Variants in PIP5KL1 observed in about 807,000 individuals in gnomAD.
PIP5KL1 encodes phosphatidylinositol-4-phosphate 5-kinase like 1, also known as phosphatidylinositol 4-phosphate 5-kinase-like protein 1.
Under a neutral mutation model 47.6 loss-of-function variants are expected in PIP5KL1, and 45 were observed. That is an observed-to-expected ratio of 0.94 (90% CI 0.74 to 1.21). The LOEUF (loss-of-function observed/expected upper bound fraction) is 1.21. PIP5KL1 is among the 50% of genes most tolerant of loss of function. The pLI, the probability that PIP5KL1 is intolerant of heterozygous loss-of-function variation, is 0.00. For synonymous variants in PIP5KL1, 256 were observed against 234.6 expected (o/e 1.09, Z -0.84); for missense variants, 577 against 547.6 (o/e 1.05, Z -0.54).
At chr9:127,922,178 C>T (rs2131633584) in intron 9 of PIP5KL1, 64 bp from the exon 10 acceptor site, 2 of 1,437,656 alleles carry the variant, frequency 1.4e-6, no homozygotes, top group East Asian at 5.0e-5. Flanking sequence ...GTCGGCTCTG[C>T]AAGCCTGGCC....
Position 127,929,722 on chromosome 9 carries a change from G to A in PIP5KL1, c.194C>T (p.Ala65Val). 1 of 1,584,416 alleles carries A rather than the reference G, an allele frequency of 6.3e-7. No homozygotes were observed. Among genetic ancestry groups the A allele is most frequent in the Non-Finnish European group, 8.6e-7 (1 of 1,164,046 alleles). ...GTGGTCCATGGAGACCTGGGTGGCA[G>A]CCCACAGCCCTGCCTGCATCATGCA... ...MTCMMQAGLW[A>V]ATQVSMDHPP... Residue 65 changes from alanine to valine, a missense_variant, in exon 2 of 10, where the codon GCT (alanine) becomes GTT (valine). Physicochemically the swap from Ala to Val is moderately conservative, Grantham distance 64. Coordinates refer to ENST00000388747, the MANE Select transcript of PIP5KL1 (RefSeq NM_001135219.2). The surrounding 1 kb of genome is among the most constrained non-coding windows in gnomAD (Gnocchi z 4.0).
chr9:127,925,399 T>C, intron 8 of PIP5KL1, 139 bp from the exon 9 acceptor site: 1 of 1,004,084 alleles, frequency 1.0e-6, no homozygotes, highest in South Asian at 1.7e-5. Context: ...TTTGCCTTGG[T>C]CACTTAGCTA....
At position 127,929,157 on chromosome 9, in the gene PIP5KL1, C is replaced by T. The variant is rs1352820131; in HGVS notation, c.228+531G>A. Among the ~76,000 whole-genome samples, 3 of 152,208 alleles carry T rather than the reference C, an allele frequency of 2.0e-5. No individual in the cohort carries two copies. Among genetic ancestry groups the T allele is most frequent in the African/African-American group, 7.2e-5 (3 of 41,450 alleles). ...AGTCTCTACACTTTCCCTGGATCTC[C>T]AGGTCCCTGTGCCCGGATGTGGTCT... On this transcript the variant is annotated intron_variant, in intron 2 of 9. Transcript: ENST00000388747. This position sits in a 1 kb window ranked among gnomAD's most constrained non-coding sequence, Gnocchi z 4.0.
chr9:127,928,522 T>TC (rs771189171), intron 2 of PIP5KL1, 39 bp from the exon 3 acceptor site: 33 of 1,524,948 alleles, frequency 2.2e-5, no homozygotes, highest in Middle Eastern at 1.7e-4. Context: ...CAACCCTCAG[T>TC]CCCCTGCTGC....
rs745782745 is a variant in PIP5KL1 at position 127,929,549 on chromosome 9, C to T, written c.228+139G>A. 2.5e-4 allele frequency: 235 copies of T among 954,320 alleles called. No homozygotes were observed. The highest frequency in any genetic ancestry group is 2.3e-3 in the Admixed American group (79 of 33,826). The allele number at this position is 954,320 out of a possible 1,614,324, so 59.1% of individuals were successfully genotyped here. On this transcript the variant is annotated intron_variant, in intron 2 of 9. Coordinates refer to ENST00000388747, the MANE Select transcript of PIP5KL1 (RefSeq NM_001135219.2). This position sits in a 1 kb window ranked among gnomAD's most constrained non-coding sequence, Gnocchi z 4.0. Reference sequence around the variant, plus strand: ...ACCCCAGACGTTCCAGCTCCCACACCACAATGTTCCTCCCTCTCTGCCTTC... The same window carrying T: ...ACCCCAGACGTTCCAGCTCCCACACTACAATGTTCCTCCCTCTCTGCCTTC...
In PIP5KL1 at chr9:127,927,900, C is replaced by A. The variant is rs1831387055; in HGVS notation, c.435-128G>T. On this transcript the variant is annotated intron_variant, in intron 4 of 9. Transcript: ENST00000388747. The surrounding 1 kb of genome is among the most constrained non-coding windows in gnomAD (Gnocchi z 5.5). ...GGCACCGCCTCTCTCGCCTTCGGCCCTCGCCCTCCTCTCCTCCCCGATCTG... is the reference window on the plus strand; with the variant it reads ...GGCACCGCCTCTCTCGCCTTCGGCCATCGCCCTCCTCTCCTCCCCGATCTG... 2.0e-6 allele frequency: 3 copies of A among 1,477,408 alleles called. No homozygotes were observed. The South Asian group carries it at 3.9e-5, about 19-fold the overall frequency. 91.5% of individuals were successfully genotyped at this position (1,477,408 alleles called of 1,614,324 possible).
rs2065256515 is a variant in PIP5KL1, at chr9:127,927,222, C to G, written c.595-14G>C. 6.2e-7 allele frequency: 1 copy of G among 1,613,070 alleles called. No homozygotes were observed. Among genetic ancestry groups the G allele is most frequent in the Non-Finnish European group, 8.5e-7 (1 of 1,179,802 alleles). On this transcript the variant is annotated splice_polypyrimidine_tract_variant and intron_variant, in intron 6 of 9. Coordinates refer to ENST00000388747, the MANE Select transcript of PIP5KL1 (RefSeq NM_001135219.2). This position sits in a 1 kb window ranked among gnomAD's most constrained non-coding sequence, Gnocchi z 5.5. ...GATGAAGTACGTCTGGGGGCCGGGA[C>G]AGGGAGTGAGGGAGGCCGGCTGTCG...
At chr9:127,922,694 C>CA (rs386416269) in intron 9 of PIP5KL1, among the ~76,000 whole-genome samples, 9,092 of 89,448 alleles carry the variant, frequency 0.1, 755 homozygotes, top group Middle Eastern at 0.14. Context: ...GACTCTGTCT[C>CA]AAAAAAAAAA....
intron 9 of PIP5KL1, among the ~76,000 whole-genome samples, chr9:127,924,800 C>T (rs1436646898): frequency 1.3e-5 from 2 of 152,150 alleles, no homozygotes; most frequent in African/African-American, 2.4e-5. Flanking sequence ...TGGACTTCAT[C>T]TGTTCTGTCC....
Position 127,925,885 on chromosome 9 carries a change from C to A in PIP5KL1, c.745G>T (p.Gly249Cys), listed in dbSNP as rs768419193. ...VLVLKDLNFQ[G>C]KTINLGPQRS... ...GGCTCACCCAGGTTGATGGTCTTGC[C>A]CTGAAAGTTGAGGTCCTTCAGCACC... Residue 249 changes from glycine (G) to cysteine (C), a missense_variant, in exon 8 of 10, where the codon GGC becomes TGC. Gly to Cys is a radical substitution (Grantham distance 159, BLOSUM62 -3). Coordinates refer to ENST00000388747, the MANE Select transcript of PIP5KL1 (RefSeq NM_001135219.2). 1 of 1,613,950 alleles carries A rather than the reference C, an allele frequency of 6.2e-7. No homozygotes were observed. Among genetic ancestry groups the A allele is most frequent in the Non-Finnish European group, 8.5e-7 (1 of 1,180,010 alleles).
rs1318991625 is a variant in PIP5KL1 at position 127,927,363 on chromosome 9, C to T, written c.560-32G>A. 2 of 1,593,754 alleles carry T rather than the reference C, an allele frequency of 1.3e-6. No homozygotes were observed. Among genetic ancestry groups the T allele is most frequent in the African/African-American group, 1.3e-5 (1 of 74,612 alleles). On this transcript the variant is annotated intron_variant, in intron 5 of 9. Transcript: ENST00000388747. The surrounding 1 kb of genome is among the most constrained non-coding windows in gnomAD (Gnocchi z 5.5). The stretch of plus-strand genomic sequence containing the variant: ...GGGGAGAGGGCGCCGGATGAGGATC[C>T]CCAAACTCCACAACCCGGGGTGCAT...
chr9:127,922,469 G>A (rs1388775800), intron 9 of PIP5KL1, among the ~76,000 whole-genome samples: 4 of 152,048 alleles, frequency 2.6e-5, no homozygotes, highest in African/African-American at 9.7e-5. Flanking sequence ...AGGCCGAGGC[G>A]GGTGGATCAC....
Position 127,927,869 on chromosome 9 carries a change from G to A in PIP5KL1, c.435-97C>T. 1 of 1,500,792 alleles carries A rather than the reference G, an allele frequency of 6.7e-7. No homozygotes were observed. The highest frequency in any genetic ancestry group is 8.8e-7 in the Non-Finnish European group (1 of 1,130,692). The allele number at this position is 1,500,792 out of a possible 1,614,324, so 93.0% of individuals were successfully genotyped here. On this transcript the variant is annotated intron_variant, in intron 4 of 9. Transcript: ENST00000388747. The surrounding 1 kb of genome is among the most constrained non-coding windows in gnomAD (Gnocchi z 5.5). ...CCTGTGCACGTGGATCTCGCTCCCA[G>A]GTCTCGGCACCGCCTCTCTCGCCTT...
rs950803374 is a variant in PIP5KL1 at position 127,927,776 on chromosome 9, G to A, written c.435-4C>T. ...CAGGAAGAAGCGCTGGTCGTGGCTG[G>A]GGGGCAAGAGAAAGAGGTCACTGCC... On this transcript the variant is annotated splice_region_variant and splice_polypyrimidine_tract_variant and intron_variant, in intron 4 of 9. Coordinates refer to ENST00000388747, the MANE Select transcript of PIP5KL1 (RefSeq NM_001135219.2). The surrounding 1 kb of genome is among the most constrained non-coding windows in gnomAD (Gnocchi z 5.5). 3.8e-6 allele frequency: 6 copies of A among 1,560,106 alleles called. No individual in the cohort carries two copies. Among genetic ancestry groups the A allele is most frequent in the Non-Finnish European group, 5.2e-6 (6 of 1,153,456 alleles).
rs967671311 is a variant in PIP5KL1 at position 127,928,670 on chromosome 9, A to AG, written c.229-188dup. ...GCATTGCTCACCTCCCAGGGATGCC[A>AG]GGGGGACAAGAGTGACCCACGGCAA... On this transcript the variant is annotated intron_variant, in intron 2 of 9. Coordinates refer to ENST00000388747, the MANE Select transcript of PIP5KL1 (RefSeq NM_001135219.2). 4.7e-6 allele frequency: 3 copies of AG among 641,172 alleles called. No homozygotes were observed. In the African/African-American group the frequency reaches 5.5e-5, roughly 12 times the overall value. The allele number at this position is 641,172 out of a possible 1,614,324, so 39.7% of individuals were successfully genotyped here. A position where few individuals can be genotyped will look rare whatever the true frequency, so the allele number is the denominator to read the frequency against.
chr9:127,922,148 C>A (rs765693645), intron 9 of PIP5KL1, 34 bp from the exon 10 acceptor site: 1 of 1,455,754 alleles, frequency 6.9e-7, no homozygotes, highest in Non-Finnish European at 9.1e-7. Context: ...GCTGCCAGCT[C>A]CTCCAGGAAG....
chr9:127,921,608 T>C lies in PIP5KL1; in HGVS notation c.*239A>G. 4 of 574,714 alleles carry C rather than the reference T, an allele frequency of 7.0e-6. No homozygotes were observed. Among genetic ancestry groups the C allele is most frequent in the Non-Finnish European group, 3.0e-6 (1 of 330,050 alleles). The allele number at this position is 574,714 out of a possible 1,614,324, so 35.6% of individuals were successfully genotyped here. ...CCCTGAGCCTCCATTTCATGGTCTGTAAAAAGAGAATAATAGCATTTTTTG... is the reference window on the plus strand; with the variant it reads ...CCCTGAGCCTCCATTTCATGGTCTGCAAAAAGAGAATAATAGCATTTTTTG... On this transcript the variant is annotated 3_prime_UTR_variant, in exon 10 of 10. Transcript: ENST00000388747.
In PIP5KL1 at chr9:127,929,241, C is replaced by A. The variant is rs1831405573; in HGVS notation, c.228+447G>T. ...CACACGAACACCACACACATGCTCACCCAGGCCCGCCCAGCTGCTGAGCTT... is the reference window on the plus strand; with the variant it reads ...CACACGAACACCACACACATGCTCAACCAGGCCCGCCCAGCTGCTGAGCTT... On this transcript the variant is annotated intron_variant, in intron 2 of 9. Coordinates refer to ENST00000388747, the MANE Select transcript of PIP5KL1 (RefSeq NM_001135219.2). This position sits in a 1 kb window ranked among gnomAD's most constrained non-coding sequence, Gnocchi z 4.0. Among the ~76,000 whole-genome samples, 1 of 152,192 alleles carries A rather than the reference C, an allele frequency of 6.6e-6. No homozygotes were observed. Among genetic ancestry groups the A allele is most frequent in the African/African-American group, 2.4e-5 (1 of 41,448 alleles).
intron 9 of PIP5KL1, among the ~76,000 whole-genome samples, chr9:127,923,512 G>C (rs1021142298): frequency 1.3e-5 from 2 of 152,272 alleles, no homozygotes; most frequent in African/African-American, 4.8e-5. Flanking sequence ...ACCAGCTAGG[G>C]GGAGAGGGCA....
Sources: allele counts gnomAD v4.1 joint callset (sites outside exome capture counted in the v4.1 genomes callset), GRCh38; gene constraint gnomAD v4.1.1; non-coding constraint Gnocchi (gnomAD v3.1); transcripts MANE v1.5; gene names NCBI Gene and HGNC (gene_info 2026-07-23, HGNC 2026-07-21).